The following RAI14 variants were observed in gnomAD, a reference collection of about 807,000 sequenced individuals.
The protein encoded by RAI14 is ankycorbin.
In RAI14, 45 loss-of-function variants were observed where a neutral mutation model predicts 115.4. That is an observed-to-expected ratio of 0.39 (90% confidence interval 0.31 to 0.50). The LOEUF (loss-of-function observed/expected upper bound fraction) is 0.50, where lower values mean the gene tolerates loss of function less well. Ranked by LOEUF, RAI14 falls within the 20% of genes least tolerant of loss-of-function variation. The pLI is 0.85. For missense variants in RAI14, 939 were observed against 1,131.2 expected (o/e 0.83, Z 2.44); for synonymous variants, 371 against 415.4 (o/e 0.89, Z 1.30).
chr5:34,796,397 C>CA (rs373073743), intron 4 of RAI14, among the ~76,000 whole-genome samples: 64,514 of 123,806 alleles, frequency 0.52, 15,121 homozygotes, highest in Admixed American at 0.59. Context: ...GACTCTGTCT[C>CA]AAAAAAAAAA....
intron 10 of RAI14, among the ~76,000 whole-genome samples, chr5:34,812,780 C>T (rs1755758051): frequency 6.6e-6 from 1 of 152,186 alleles, no homozygotes; most frequent in South Asian, 2.1e-4. Flanking sequence ...ACTCATACTT[C>T]CTATTGGTGT....
At chr5:34,758,617 G>C (rs73076500) in intron 3 of RAI14, among the ~76,000 whole-genome samples, 1 of 152,068 alleles carries the variant, frequency 6.6e-6, no homozygotes, top group Non-Finnish European at 1.5e-5. Flanking sequence ...CTATGTTACC[G>C]AGGCTAGACT....
intron 1 of RAI14, among the ~76,000 whole-genome samples, chr5:34,678,693 G>T (rs1163832760): frequency 6.6e-6 from 1 of 152,176 alleles, no homozygotes; most frequent in East Asian, 1.9e-4. Flanking sequence ...GTACTTTGCT[G>T]TGGCAGCCCT....
At chr5:34,672,342 C>G (rs1743675621) in intron 1 of RAI14, among the ~76,000 whole-genome samples, 2 of 152,078 alleles carry the variant, frequency 1.3e-5, no homozygotes, top group African/African-American at 2.4e-5. Context: ...GTGTAAAACT[C>G]TTGCATTAGA....
chr5:34,681,978 C>T (rs182882182), intron 1 of RAI14, among the ~76,000 whole-genome samples: 67 of 151,796 alleles, frequency 4.4e-4, no homozygotes, highest in Admixed American at 3.3e-3. Flanking sequence ...GCCTCAGCCT[C>T]GGCAGTATCT....
At chr5:34,782,149 A>T (rs755424148) in intron 3 of RAI14, among the ~76,000 whole-genome samples, 1 of 152,202 alleles carries the variant, frequency 6.6e-6, no homozygotes, top group African/African-American at 2.4e-5. Flanking sequence ...GTAAACCCAC[A>T]ACCTTCAGCG....
chr5:34,686,762 C>G, intron 1 of RAI14, 110 bp from the exon 2 acceptor site: 1 of 527,642 alleles, frequency 1.9e-6, no homozygotes, highest in Non-Finnish European at 3.3e-6. Flanking sequence ...AACTGACCAC[C>G]TTCCCAACGC....
intron 3 of RAI14, among the ~76,000 whole-genome samples, chr5:34,771,714 T>A (rs913825065): frequency 6.6e-6 from 1 of 152,172 alleles, no homozygotes; most frequent in African/African-American, 2.4e-5. Flanking sequence ...GAAACCTCTC[T>A]TGCAGGCTCT....
intron 1 of RAI14, among the ~76,000 whole-genome samples, chr5:34,663,860 CG>C (rs1254252244): frequency 6.6e-6 from 1 of 152,188 alleles, no homozygotes; most frequent in African/African-American, 2.4e-5. Flanking sequence ...CCACTCTTTG[CG>C]GAAGTTTGTG....
intron 3 of RAI14, among the ~76,000 whole-genome samples, chr5:34,775,322 A>C (rs965981468): frequency 1.3e-5 from 2 of 152,242 alleles, no homozygotes; most frequent in African/African-American, 4.8e-5. Context: ...GCAAAGAGAT[A>C]ACCCACAGAA....
At chr5:34,806,545 G>A (rs893057005) in intron 5 of RAI14, among the ~76,000 whole-genome samples, 2 of 152,108 alleles carry the variant, frequency 1.3e-5, no homozygotes, top group Non-Finnish European at 2.9e-5. Context: ...GTAGAGTGGA[G>A]GCGAGTTTTG....
chr5:34,745,416 A>G (rs1561302343), intron 2 of RAI14, among the ~76,000 whole-genome samples: 2 of 152,104 alleles, frequency 1.3e-5, no homozygotes, highest in African/African-American at 4.8e-5. Flanking sequence ...CTAATATTTC[A>G]CCAGGATTTT....
intron 2 of RAI14, among the ~76,000 whole-genome samples, chr5:34,701,169 C>G (rs1381902932): frequency 1.3e-5 from 2 of 152,160 alleles, no homozygotes; most frequent in Non-Finnish European, 1.5e-5. Flanking sequence ...GAATTCCCAT[C>G]AGATGGGTTT....
chr5:34,770,196 G>A (rs192092299), intron 3 of RAI14, among the ~76,000 whole-genome samples: 277 of 152,240 alleles, frequency 1.8e-3, no homozygotes, highest in Middle Eastern at 0.01. Flanking sequence ...CTGCTGGCCC[G>A]GAAACCATAC....
chr5:34,657,825 G>T (rs1348139169), intron 1 of RAI14, among the ~76,000 whole-genome samples: 1 of 152,240 alleles, frequency 6.6e-6, no homozygotes, highest in African/African-American at 2.4e-5. Context: ...AAGAGGTCGG[G>T]AATCACAGGG....
chr5:34,682,934 TTACTC>T (rs1286766727), intron 1 of RAI14, among the ~76,000 whole-genome samples: 2 of 152,226 alleles, frequency 1.3e-5, no homozygotes, highest in Non-Finnish European at 2.9e-5. Flanking sequence ...AGATGTCACT[TTACTC>T]AACATAGGTT....
At chr5:34,792,564 C>G (rs1444442683) in intron 3 of RAI14, among the ~76,000 whole-genome samples, 3 of 152,150 alleles carry the variant, frequency 2.0e-5, no homozygotes, top group Non-Finnish European at 4.4e-5. Flanking sequence ...CATTCCTATG[C>G]CTGTGTGTTT....
chr5:34,672,355 C>G (rs1173189967), intron 1 of RAI14, among the ~76,000 whole-genome samples: 1 of 152,026 alleles, frequency 6.6e-6, no homozygotes, highest in African/African-American at 2.4e-5. Context: ...GCATTAGATG[C>G]AAGGTATGTA....
chr5:34,767,018 T>G (rs1749475510), intron 3 of RAI14, among the ~76,000 whole-genome samples: 1 of 152,164 alleles, frequency 6.6e-6, no homozygotes, highest in Admixed American at 6.5e-5. Context: ...AGAAGTGCCT[T>G]TCACCTCCTG....
Sources: allele counts gnomAD v4.1 joint callset (sites outside exome capture counted in the v4.1 genomes callset), GRCh38; gene constraint gnomAD v4.1.1; transcripts MANE v1.5; gene names NCBI Gene and HGNC (gene_info 2026-07-23, HGNC 2026-07-21).